The following SLC25A15 variants were observed in gnomAD, a reference collection of about 807,000 sequenced individuals.
The protein encoded by SLC25A15 is mitochondrial ornithine transporter 1.
In SLC25A15, 24 loss-of-function variants were observed where a neutral mutation model predicts 32.3. The ratio of observed to expected loss-of-function variants is 0.74; its 90% CI spans 0.54 to 1.04. The LOEUF (loss-of-function observed/expected upper bound fraction) is 1.04. SLC25A15 is among the 50% of genes least tolerant of loss of function. The pLI is 0.00. For missense variants in SLC25A15, 317 were observed against 374.5 expected, an observed-to-expected ratio of 0.85 and a Z score of 1.27; for synonymous variants, 132 against 142.1, an observed-to-expected ratio of 0.93 and a Z score of 0.51.
chr13:40,810,673 T>A lies in SLC25A15; in HGVS notation c.*1006T>A. Reference sequence around the variant, plus strand: ...GGATCATATTCCACGCTGACTATATTGCTAGGGGTGGCCCAGAGGGTCAGG... The same window carrying A: ...GGATCATATTCCACGCTGACTATATAGCTAGGGGTGGCCCAGAGGGTCAGG... On this transcript the variant is annotated 3_prime_UTR_variant, in exon 7 of 7. Transcript: ENST00000338625. 1 of 508,574 alleles carries A rather than the reference T, an allele frequency of 2.0e-6. No homozygotes were observed. The highest frequency in any genetic ancestry group is 4.0e-6 in the Non-Finnish European group (1 of 250,828). The allele number at this position is 508,574 out of a possible 1,614,324, so 31.5% of individuals were successfully genotyped here.
intron 2 of SLC25A15, among the ~76,000 whole-genome samples, chr13:40,797,284 T>C (rs750136533): frequency 9.9e-5 from 15 of 152,218 alleles, no homozygotes; most frequent in Non-Finnish European, 1.6e-4. Flanking sequence ...TGTATTCTAG[T>C]AACCTGTGAT....
intron 4 of SLC25A15, among the ~76,000 whole-genome samples, chr13:40,805,625 T>G (rs1185212042): frequency 1.3e-5 from 2 of 152,216 alleles, no homozygotes; most frequent in Non-Finnish European, 2.9e-5. Flanking sequence ...ATTTGGATTC[T>G]GAGATGAATA....
intron 3 of SLC25A15, among the ~76,000 whole-genome samples, chr13:40,802,481 A>G (rs1465986369): frequency 6.6e-6 from 1 of 152,218 alleles, no homozygotes; most frequent in Non-Finnish European, 1.5e-5. Flanking sequence ...ACCAGGGACT[A>G]GCAAACCAGG....
In SLC25A15 at chr13:40,810,689, G is replaced by T; in HGVS notation, c.*1022G>T. 3.8e-6 allele frequency: 2 copies of T among 525,844 alleles called. No individual in the cohort carries two copies. Among genetic ancestry groups the T allele is most frequent in the Non-Finnish European group, 3.9e-6 (1 of 257,218 alleles). The allele number at this position is 525,844 out of a possible 1,614,324, so 32.6% of individuals were successfully genotyped here. On this transcript the variant is annotated 3_prime_UTR_variant, in exon 7 of 7. Transcript: ENST00000338625. ...TGACTATATTGCTAGGGGTGGCCCAGAGGGTCAGGCCTTTGGGAAATAGCA... is the reference window on the plus strand; with the variant it reads ...TGACTATATTGCTAGGGGTGGCCCATAGGGTCAGGCCTTTGGGAAATAGCA...
rs141021028 is a variant in SLC25A15, at chr13:40,797,066, T to C, written c.56-1991T>C. Among the ~76,000 whole-genome samples the C allele has an allele frequency of 1.7e-4, 26 of 152,298 alleles. No homozygotes were observed. The East Asian group carries it at 4.8e-3, about 28-fold the overall frequency. Reference sequence around the variant, plus strand: ...TCTTTGAGAACCTACTAGGTGTCAGTCTCTGTGGTTGGTACTGGTGTTCAG... The same window carrying C: ...TCTTTGAGAACCTACTAGGTGTCAGCCTCTGTGGTTGGTACTGGTGTTCAG... On this transcript the variant is annotated intron_variant, in intron 2 of 6. Transcript: ENST00000338625.
chr13:40,804,316 G>A (rs3825500), intron 3 of SLC25A15, among the ~76,000 whole-genome samples: 4,496 of 152,180 alleles, frequency 0.03, 198 homozygotes, highest in East Asian at 0.15. Flanking sequence ...ACCTTGGGGG[G>A]ATAAAATTCA....
intron 2 of SLC25A15, among the ~76,000 whole-genome samples, chr13:40,795,033 C>T (rs540102956): frequency 5.9e-5 from 9 of 152,288 alleles, no homozygotes; most frequent in Non-Finnish European, 1.0e-4. Flanking sequence ...CGTCCCAGCC[C>T]CAGATGCCCA....
chr13:40,799,461 G>A lies in SLC25A15; in HGVS notation c.314+146G>A. ...AGGCTGAGAGTTCAAAACCAGCCTGGGCAACACAGCAAGATCCTCATCTCT... is the reference window on the plus strand; with the variant it reads ...AGGCTGAGAGTTCAAAACCAGCCTGAGCAACACAGCAAGATCCTCATCTCT... On this transcript the variant is annotated intron_variant, in intron 3 of 6. Coordinates refer to ENST00000338625, the MANE Select transcript of SLC25A15 (RefSeq NM_014252.4). 6 of 916,790 alleles carry A rather than the reference G, an allele frequency of 6.5e-6. 2 individuals are homozygous for A. The allele number at this position is 916,790 out of a possible 1,614,324, so 56.8% of individuals were successfully genotyped here. A position where few individuals can be genotyped will look rare whatever the true frequency, so the allele number is the denominator to read the frequency against.
chr13:40,803,307 C>T (rs1367877578), intron 3 of SLC25A15, among the ~76,000 whole-genome samples: 2 of 152,130 alleles, frequency 1.3e-5, no homozygotes, highest in Admixed American at 1.3e-4. Flanking sequence ...CTCTGCCTCC[C>T]TGGTTCAAGC....
In SLC25A15 at chr13:40,811,046, A is replaced by G. The variant is rs1405861702; in HGVS notation, c.*1379A>G. On this transcript the variant is annotated 3_prime_UTR_variant, in exon 7 of 7. Transcript: ENST00000338625. ...AGAAAGAACTCAGTGCTTGTACTCC[A>G]CAGTGAGTAATGTCAGGTCTGACCC... Among the ~76,000 whole-genome samples, 1 of 152,246 alleles carries G rather than the reference A, an allele frequency of 6.6e-6. No homozygotes were observed. The highest frequency in any genetic ancestry group is 1.9e-4 in the East Asian group (1 of 5,204).
rs1566121276 is a variant in SLC25A15, at chr13:40,799,125, G to C, written c.124G>C (p.Asp42His). 6.2e-7 allele frequency: 1 copy of C among 1,614,066 alleles called. No homozygotes were observed. Among genetic ancestry groups the C allele is most frequent in the Non-Finnish European group, 8.5e-7 (1 of 1,180,040 alleles). The change falls in exon 3 of 7, where the codon GAC becomes CAC. Residue 42 changes from aspartate to histidine, a missense_variant. Physicochemically the swap from Asp to His is moderately conservative, Grantham distance 81. Coordinates refer to ENST00000338625, the MANE Select transcript of SLC25A15 (RefSeq NM_014252.4). Reference sequence around the variant, plus strand: ...GAAAGTGAAGATGCAGACGTTCCCTGACCTGTACCGGGGCCTCACCGACTG... The same window carrying C: ...GAAAGTGAAGATGCAGACGTTCCCTCACCTGTACCGGGGCCTCACCGACTG... Reference protein sequence around the residue: ...TMKVKMQTFPDLYRGLTDCCL... With the variant: ...TMKVKMQTFPHLYRGLTDCCL...
chr13:40,806,691 A>G (rs1327327786), intron 4 of SLC25A15, among the ~76,000 whole-genome samples: 1 of 152,192 alleles, frequency 6.6e-6, no homozygotes, highest in Non-Finnish European at 1.5e-5. Context: ...CAAAGTGAGG[A>G]GAGAGGGATT....
chr13:40,803,317 C>T (rs901080056), intron 3 of SLC25A15, among the ~76,000 whole-genome samples: 20 of 151,976 alleles, frequency 1.3e-4, no homozygotes, highest in South Asian at 6.2e-4. Flanking sequence ...CTGGTTCAAG[C>T]GCTTCTTGTG....
At chr13:40,794,359 C>T (rs1282050790) in intron 2 of SLC25A15, among the ~76,000 whole-genome samples, 5 of 150,600 alleles carry the variant, frequency 3.3e-5, no homozygotes, top group Admixed American at 6.6e-5. Context: ...AAAAAAAAGA[C>T]ATGTCTCTGA....
In SLC25A15 at chr13:40,808,422, T is replaced by C; in HGVS notation, c.623-16T>C. 1 of 1,505,090 alleles carries C rather than the reference T, an allele frequency of 6.6e-7. No homozygotes were observed. Among genetic ancestry groups the C allele is most frequent in the Non-Finnish European group, 9.1e-7 (1 of 1,097,260 alleles). 93.2% of individuals were successfully genotyped at this position (1,505,090 alleles called of 1,614,324 possible). ...TCTTGAGACAAAATACCATTTGCTA[T>C]TTTTTTTTTCTCTAGGCCCTGTACC... On this transcript the variant is annotated splice_polypyrimidine_tract_variant and intron_variant, in intron 5 of 6. Coordinates refer to ENST00000338625, the MANE Select transcript of SLC25A15 (RefSeq NM_014252.4).
chr13:40,799,415 C>A, intron 3 of SLC25A15, 100 bp downstream of exon 3: 1 of 1,485,880 alleles, frequency 6.7e-7, no homozygotes, highest in Non-Finnish European at 9.3e-7. Flanking sequence ...CTTTGGGAGG[C>A]AAAGGCAGGA....
At chr13:40,806,690 G>C (rs1017644959) in intron 4 of SLC25A15, among the ~76,000 whole-genome samples, 4 of 152,246 alleles carry the variant, frequency 2.6e-5, no homozygotes, top group African/African-American at 9.6e-5. Context: ...ACAAAGTGAG[G>C]AGAGAGGGAT....
Position 40,808,428 on chromosome 13 carries a change from T to A in SLC25A15, c.623-10T>A. ...GACAAAATACCATTTGCTATTTTTT[T>A]TTTCTCTAGGCCCTGTACCTTTGAT... On this transcript the variant is annotated splice_polypyrimidine_tract_variant and intron_variant, in intron 5 of 6. Coordinates refer to ENST00000338625, the MANE Select transcript of SLC25A15 (RefSeq NM_014252.4). 1 of 1,612,752 alleles carries A rather than the reference T, an allele frequency of 6.2e-7. No individual in the cohort carries two copies. Among genetic ancestry groups the A allele is most frequent in the Non-Finnish European group, 8.5e-7 (1 of 1,179,892 alleles).
chr13:40,793,235 C>T lies in SLC25A15; in HGVS notation c.9C>T (p.Ser3=). Residue 3 remains serine (S), a synonymous_variant, in exon 2 of 7, where the codon TCC becomes TCT. Coordinates refer to ENST00000338625, the MANE Select transcript of SLC25A15 (RefSeq NM_014252.4). ...CAGAAGAGTGGGCAAACATGAAATCCAATCCTGCTATCCAGGCTGCCATTG... is the reference window on the plus strand; with the variant it reads ...CAGAAGAGTGGGCAAACATGAAATCTAATCCTGCTATCCAGGCTGCCATTG... The part of the protein sequence containing the change: MK[S]NPAIQAAIDL... 2.5e-6 allele frequency: 4 copies of T among 1,614,124 alleles called. No individual in the cohort carries two copies. The highest frequency in any genetic ancestry group is 3.4e-6 in the Non-Finnish European group (4 of 1,179,998).
Sources: allele counts gnomAD v4.1 joint callset (sites outside exome capture counted in the v4.1 genomes callset), GRCh38; gene constraint gnomAD v4.1.1; transcripts MANE v1.5; gene names NCBI Gene and HGNC (gene_info 2026-07-23, HGNC 2026-07-21).